Variants in PKHD1 observed in about 807,000 individuals in gnomAD.
PKHD1 encodes the protein PKHD1 ciliary IPT domain containing fibrocystin/polyductin.
Under a neutral mutation model 412.0 loss-of-function variants are expected in PKHD1, and 291 were observed. That is an observed-to-expected ratio of 0.71 (90% CI 0.64 to 0.78). PKHD1 has a LOEUF of 0.78. Ranked by LOEUF, PKHD1 falls within the 30% of genes least tolerant of loss-of-function variation. PKHD1 has a pLI of 0.00. For missense variants in PKHD1, 4,825 were observed against 4,950.7 expected, an observed-to-expected ratio of 0.97 and a Z score of 0.76; for synonymous variants, 1,777 against 1,821.5, an observed-to-expected ratio of 0.98 and a Z score of 0.62.
chr6:51,824,537 TAGAC>T (rs1766999579), intron 52 of PKHD1, among the ~76,000 whole-genome samples: 1 of 152,122 alleles, frequency 6.6e-6, no homozygotes, highest in African/African-American at 2.4e-5. Flanking sequence ...GAAGGAGAAA[TAGAC>T]AGTTTCCAAA....
At chr6:51,655,055 G>A (rs927170653) in intron 61 of PKHD1, among the ~76,000 whole-genome samples, 2 of 151,938 alleles carry the variant, frequency 1.3e-5, no homozygotes, top group Non-Finnish European at 2.9e-5. Flanking sequence ...TTTTGCCATC[G>A]ACCCAATTAA....
intron 60 of PKHD1, among the ~76,000 whole-genome samples, chr6:51,694,785 G>A (rs565105743): frequency 5.3e-4 from 81 of 152,122 alleles, no homozygotes; most frequent in African/African-American, 1.9e-3. Flanking sequence ...GGGACTGTGT[G>A]TATAAACAGA....
chr6:51,704,106 A>C (rs1779748201), intron 60 of PKHD1, among the ~76,000 whole-genome samples: 1 of 152,076 alleles, frequency 6.6e-6, no homozygotes, highest in African/African-American at 2.4e-5. Context: ...AATTTTAGTC[A>C]ACCAACACCT....
At chr6:51,653,406 A>T (rs1771285403) in intron 61 of PKHD1, among the ~76,000 whole-genome samples, 1 of 152,014 alleles carries the variant, frequency 6.6e-6, no homozygotes, top group South Asian at 2.1e-4. Context: ...GCATGTTGTA[A>T]GCACCCAGTA....
chr6:51,635,542 A>T (rs781286544), intron 64 of PKHD1, among the ~76,000 whole-genome samples: 5 of 152,098 alleles, frequency 3.3e-5, no homozygotes, highest in Non-Finnish European at 7.4e-5. Flanking sequence ...GTCCCTTTGG[A>T]ACTTTGGTCT....
Position 52,025,964 on chromosome 6 carries a change from A to C in PKHD1, c.3846T>G (p.Pro1282=), listed in dbSNP as rs760349514. The change falls in exon 32 of 67, where the codon CCT becomes CCG. Residue 1282 remains proline, a synonymous_variant. Coordinates refer to ENST00000371117, the MANE Select transcript of PKHD1 (RefSeq NM_138694.4). ...AGCCTTTCCCCACCAAGCTTGGTGAAGGACCACGGGCGAAGAACCTGTTGC... is the reference window on the plus strand; with the variant it reads ...AGCCTTTCCCCACCAAGCTTGGTGACGGACCACGGGCGAAGAACCTGTTGC... The part of the protein sequence containing the change: ...WAGNRFFARG[P]SPSLVGKGFT... 1.1e-5 allele frequency: 17 copies of C among 1,614,038 alleles called. No homozygotes were observed. The East Asian group carries it at 3.6e-4, about 34-fold the overall frequency.
chr6:51,975,959 T>TA (rs1465682774), intron 35 of PKHD1: 1 of 60,138 alleles, frequency 1.7e-5, no homozygotes, highest in African/African-American at 6.6e-5. Flanking sequence ...ACCCTTTCTC[T>TA]AATTAAAAAA....
chr6:52,065,827 T>C (rs919576452), intron 12 of PKHD1, 149 bp downstream of exon 12: 2 of 658,452 alleles, frequency 3.0e-6, no homozygotes, highest in Admixed American at 4.6e-5. Flanking sequence ...AAATCCCACC[T>C]GGTCTCAACC....
intron 60 of PKHD1, among the ~76,000 whole-genome samples, chr6:51,663,849 G>A (rs1405522253): frequency 6.6e-6 from 1 of 152,006 alleles, no homozygotes. Flanking sequence ...CCATAAGATT[G>A]AAATTATGGC....
intron 51 of PKHD1, among the ~76,000 whole-genome samples, chr6:51,833,107 C>A (rs759167021): frequency 1.6e-4 from 24 of 152,166 alleles, no homozygotes; most frequent in Non-Finnish European, 3.1e-4. Flanking sequence ...GCTTGCCCCA[C>A]AAAGTCCAGA....
intron 65 of PKHD1, among the ~76,000 whole-genome samples, chr6:51,628,834 C>T (rs1767595074): frequency 6.6e-6 from 1 of 152,050 alleles, no homozygotes; most frequent in African/African-American, 2.4e-5. Flanking sequence ...GGTACAGTAA[C>T]CAAAACAGAA....
At chr6:51,975,963 T>TAAAAAAAAAA (rs66774242) in intron 35 of PKHD1, 39 of 69,758 alleles carry the variant, frequency 5.6e-4, no homozygotes, top group Non-Finnish European at 6.5e-4. Flanking sequence ...TTTCTCTAAT[T>TAAAAAAAAAA]AAAAAAAAAA....
intron 15 of PKHD1, among the ~76,000 whole-genome samples, chr6:52,059,260 T>C (rs1808297773): frequency 9.4e-5 from 1 of 10,668 alleles, no homozygotes; most frequent in Admixed American, 2.1e-3. Context: ...TTTCTTTTTC[T>C]TTTTTTTTTT....
chr6:52,076,217 G>T, intron 6 of PKHD1, 59 bp downstream of exon 6: 1 of 1,225,730 alleles, frequency 8.2e-7, no homozygotes, highest in Non-Finnish European at 1.2e-6. Flanking sequence ...ACCTAGGTTT[G>T]CAACAAGCTT....
At chr6:51,930,801 G>A (rs1041249983) in intron 37 of PKHD1, among the ~76,000 whole-genome samples, 1 of 152,152 alleles carries the variant, frequency 6.6e-6, no homozygotes, top group Admixed American at 6.5e-5. Flanking sequence ...TTGTAACCAC[G>A]CCCAGGAATG....
chr6:51,714,617 A>T (rs537692459), intron 60 of PKHD1, among the ~76,000 whole-genome samples: 1 of 152,334 alleles, frequency 6.6e-6, no homozygotes, highest in Non-Finnish European at 1.5e-5. Flanking sequence ...TAAATGATTC[A>T]GTTCCTCGAT....
At chr6:51,743,948 C>G (rs9463707) in intron 60 of PKHD1, among the ~76,000 whole-genome samples, 24,584 of 152,048 alleles carry the variant, frequency 0.16, 2,206 homozygotes, top group African/African-American at 0.24. Context: ...AAAAGGGAGA[C>G]AAAACACATG....
intron 53 of PKHD1, among the ~76,000 whole-genome samples, chr6:51,783,637 A>G (rs1404569600): frequency 1.3e-5 from 2 of 152,068 alleles, no homozygotes; most frequent in East Asian, 3.8e-4. Flanking sequence ...AAGAGGAGAC[A>G]TTGATGAAAG....
intron 34 of PKHD1, among the ~76,000 whole-genome samples, chr6:52,014,082 C>T (rs764595863): frequency 2.0e-5 from 3 of 152,198 alleles, no homozygotes; most frequent in African/African-American, 7.2e-5. Flanking sequence ...AATCCAAACT[C>T]TTTACTTTGG....
Sources: gnomAD v4.1 joint callset for allele counts (sites outside exome capture counted in the v4.1 genomes callset) on GRCh38, gnomAD v4.1.1 for gene constraint, MANE v1.5 for transcripts, NCBI Gene and HGNC (gene_info 2026-07-23, HGNC 2026-07-21) for gene names.